Variants in IGSF11 observed in about 807,000 individuals in gnomAD.
The protein encoded by IGSF11 is CXADR like 1.
IGSF11 carries 22 observed loss-of-function variants against 41.0 expected under a neutral mutation model. The observed-to-expected ratio is 0.54, with a 90% CI of 0.38 to 0.77. The LOEUF is 0.77. Ranked by LOEUF, IGSF11 falls within the 30% of genes least tolerant of loss-of-function variation. IGSF11 has a pLI of 0.00. For synonymous variants in IGSF11, 219 were observed against 201.3 expected (o/e 1.09, Z -0.74); for missense variants, 444 against 530.8 (o/e 0.84, Z 1.61).
intron 1 of IGSF11, among the ~76,000 whole-genome samples, chr3:119,000,681 G>C (rs771450598): frequency 6.6e-6 from 1 of 152,048 alleles, no homozygotes; most frequent in Admixed American, 6.6e-5. Flanking sequence ...CCAGTAGTGT[G>C]TCCTCTTAAT....
At chr3:118,993,985 TG>T (rs1936035531) in intron 1 of IGSF11, among the ~76,000 whole-genome samples, 2 of 152,240 alleles carry the variant, frequency 1.3e-5, no homozygotes, top group South Asian at 4.1e-4. Context: ...ACAATCAAAT[TG>T]TACACTGTAC....
intron 1 of IGSF11, among the ~76,000 whole-genome samples, chr3:119,133,129 C>T (rs2077507668): frequency 6.6e-6 from 1 of 151,968 alleles, no homozygotes; most frequent in Non-Finnish European, 1.5e-5. Context: ...GATCTAAAAT[C>T]AACACCATAA....
At chr3:118,982,852 CAA>C (rs1249746088) in intron 1 of IGSF11, among the ~76,000 whole-genome samples, 3 of 152,148 alleles carry the variant, frequency 2.0e-5, no homozygotes, top group African/African-American at 4.8e-5. Flanking sequence ...CAGTTTTACA[CAA>C]AGTTTATTTC....
At chr3:118,943,366 T>C (rs993161119) in intron 1 of IGSF11, among the ~76,000 whole-genome samples, 1 of 152,210 alleles carries the variant, frequency 6.6e-6, no homozygotes, top group Non-Finnish European at 1.5e-5. Flanking sequence ...TAAATCTTAA[T>C]GCCCTAAGCA....
At chr3:119,117,265 G>A (rs1386499763) in intron 1 of IGSF11, among the ~76,000 whole-genome samples, 2 of 151,968 alleles carry the variant, frequency 1.3e-5, no homozygotes, top group African/African-American at 4.8e-5. Flanking sequence ...TTTTCATCGT[G>A]CTGATAAAGA....
intron 1 of IGSF11, among the ~76,000 whole-genome samples, chr3:119,094,830 C>A (rs1383293567): frequency 6.6e-6 from 1 of 152,076 alleles, no homozygotes; most frequent in East Asian, 1.9e-4. Context: ...TGCCACCACA[C>A]CCAGCTAATT....
At position 119,112,727 on chromosome 3, in the gene IGSF11, G is replaced by A. The variant is rs145943185; in HGVS notation, c.-13-7522C>T. 1.6e-3 allele frequency: 249 copies of A among 153,780 alleles called. 6 individuals are homozygous for A. The East Asian group carries it at 0.035, about 21-fold the overall frequency. The allele number at this position is 153,780 out of a possible 1,614,324, so 9.5% of individuals were successfully genotyped here. On this transcript the variant is annotated intron_variant, in intron 1 of 7. Transcript: ENST00000425327. The stretch of plus-strand genomic sequence containing the variant: ...CTGTAGACCGGAGCTGTTCCTATTC[G>A]GCCATCTTGGCTCCTCCCACCATAT...
intron 1 of IGSF11, among the ~76,000 whole-genome samples, chr3:119,045,163 G>C (rs1278994677): frequency 1.3e-5 from 2 of 152,248 alleles, no homozygotes; most frequent in Non-Finnish European, 2.9e-5. Context: ...AATAGGAACA[G>C]CTCCGGTCTA....
chr3:118,995,276 A>G (rs895259160), intron 1 of IGSF11, among the ~76,000 whole-genome samples: 2 of 152,200 alleles, frequency 1.3e-5, no homozygotes, highest in African/African-American at 4.8e-5. Context: ...GCAATGTTAC[A>G]TAGTAACCCG....
chr3:118,981,583 C>A (rs1484187071), intron 1 of IGSF11, among the ~76,000 whole-genome samples: 1 of 152,194 alleles, frequency 6.6e-6, no homozygotes, highest in Non-Finnish European at 1.5e-5. Context: ...TTGTTCCAGA[C>A]ATCTCCCTTA....
intron 1 of IGSF11, among the ~76,000 whole-genome samples, chr3:119,011,912 G>C (rs1341000487): frequency 6.6e-6 from 1 of 151,828 alleles, no homozygotes; most frequent in Non-Finnish European, 1.5e-5. Context: ...CATTCTCAAA[G>C]AAAAAGACAA....
chr3:119,007,238 C>T (rs371841101), intron 1 of IGSF11, among the ~76,000 whole-genome samples: 8 of 144,650 alleles, frequency 5.5e-5, no homozygotes, highest in East Asian at 2.0e-4. Context: ...CAGGTGCGTC[C>T]GTCACCCCTT....
Position 119,078,239 on chromosome 3 carries a change from G to C in IGSF11, c.49+26905C>G, listed in dbSNP as rs187182978. On this transcript the variant is annotated intron_variant, in intron 1 of 6. Transcript: ENST00000354673. ...GTCAAAGAAAAAGAACAAACCCAGA[G>C]GCATCATACTACCTGATGTCAAGTA... Among the ~76,000 whole-genome samples, 240 of 152,182 alleles carry C rather than the reference G, an allele frequency of 1.6e-3. 2 individuals are homozygous for C. Among genetic ancestry groups the C allele is most frequent in the African/African-American group, 5.2e-3 (214 of 41,498 alleles).
intron 1 of IGSF11, among the ~76,000 whole-genome samples, chr3:119,067,089 T>G (rs1278121849): frequency 6.6e-6 from 1 of 152,210 alleles, no homozygotes; most frequent in Non-Finnish European, 1.5e-5. Context: ...CTTGCCTCAA[T>G]GTAAATCTAG....
At chr3:119,076,485 T>C (rs2076501484) in intron 1 of IGSF11, among the ~76,000 whole-genome samples, 1 of 152,048 alleles carries the variant, frequency 6.6e-6, no homozygotes, top group Non-Finnish European at 1.5e-5. Flanking sequence ...ACCTACAGAA[T>C]GGGAGAAAAT....
intron 1 of IGSF11, among the ~76,000 whole-genome samples, chr3:119,059,179 T>A (rs1941967658): frequency 1.4e-5 from 2 of 147,952 alleles, no homozygotes; most frequent in South Asian, 4.3e-4. Context: ...TATACACAGA[T>A]CACACACACA....
chr3:118,994,900 G>C (rs1936122054), intron 1 of IGSF11, among the ~76,000 whole-genome samples: 1 of 152,112 alleles, frequency 6.6e-6, no homozygotes, highest in Admixed American at 6.5e-5. Context: ...AGACAGGAGA[G>C]GAATGGTACA....
At chr3:119,031,545 AG>A (rs1940397550) in intron 1 of IGSF11, among the ~76,000 whole-genome samples, 1 of 152,200 alleles carries the variant, frequency 6.6e-6, no homozygotes, top group African/African-American at 2.4e-5. Flanking sequence ...TCACCTGGGG[AG>A]GGGAAGCCAA....
chr3:119,029,794 T>C (rs796334828), intron 1 of IGSF11, among the ~76,000 whole-genome samples: 20 of 152,328 alleles, frequency 1.3e-4, no homozygotes, highest in African/African-American at 4.6e-4. Flanking sequence ...TTTCTAAAAA[T>C]ATTGAACTGA....
Sources: gnomAD v4.1 joint callset for allele counts (sites outside exome capture counted in the v4.1 genomes callset) on GRCh38, gnomAD v4.1.1 for gene constraint, MANE v1.5 for transcripts, NCBI Gene and HGNC (gene_info 2026-07-23, HGNC 2026-07-21) for gene names.